The following ZMIZ1 variants were observed in gnomAD, a reference collection of about 807,000 sequenced individuals.
ZMIZ1 encodes zinc finger MIZ-type containing 1.
Under a neutral mutation model 113.9 loss-of-function variants are expected in ZMIZ1, and 17 were observed. That is an observed-to-expected ratio of 0.15 (90% CI 0.10 to 0.22). The LOEUF (loss-of-function observed/expected upper bound fraction) is 0.22, where lower values mean the gene tolerates loss of function less well. Ranked by LOEUF, ZMIZ1 falls within the 10% of genes least tolerant of loss-of-function variation. ZMIZ1 has a pLI of 1.00. For missense variants in ZMIZ1, 1,059 were observed against 1,477.8 expected (o/e 0.72, Z 4.65); for synonymous variants, 607 against 603.1 (o/e 1.01, Z -0.09).
chr10:79,162,276 CT>C (rs1352458669), intron 4 of ZMIZ1, 143 bp downstream of exon 4: 1 of 396,596 alleles, frequency 2.5e-6, no homozygotes. Flanking sequence ...GCCACCTTTG[CT>C]GGGACCTCAT....
In ZMIZ1 at chr10:79,286,570, G is replaced by C. The variant is rs56742434; in HGVS notation, c.426-3205G>C. 8.0e-3 allele frequency among the ~76,000 whole-genome samples: 1,222 copies of C among 152,352 alleles called. 11 individuals are homozygous for C. Among genetic ancestry groups the C allele is most frequent in the African/African-American group, 0.028 (1,154 of 41,586 alleles). ...GGGCAGCATGCCAGCAGGGCCTCGCGTGTGTGCACGGATGTGTCCTCCATA... is the reference window on the plus strand; with the variant it reads ...GGGCAGCATGCCAGCAGGGCCTCGCCTGTGTGCACGGATGTGTCCTCCATA... On this transcript the variant is annotated intron_variant, in intron 8 of 24. Coordinates refer to ENST00000334512, the MANE Select transcript of ZMIZ1 (RefSeq NM_020338.4).
intron 2 of ZMIZ1, among the ~76,000 whole-genome samples, chr10:79,138,070 C>T (rs891316924): frequency 2.6e-5 from 4 of 152,130 alleles, no homozygotes; most frequent in South Asian, 2.1e-4. Flanking sequence ...GAGGGGCAGG[C>T]GGCGGGCACT....
intron 24 of ZMIZ1, 120 bp downstream of exon 24, chr10:79,311,304 G>GGGGGGGGGGT: frequency 1.7e-5 from 6 of 359,150 alleles, no homozygotes; most frequent in East Asian, 7.5e-5. Flanking sequence ...TGGGCGGTGG[G>GGGGGGGGGGT]AGGGCTTCAC....
chr10:79,104,603 C>T (rs1843487018), intron 1 of ZMIZ1, among the ~76,000 whole-genome samples: 1 of 152,212 alleles, frequency 6.6e-6, no homozygotes, highest in African/African-American at 2.4e-5. Context: ...TGCCTTCTTT[C>T]CCTGTCTTTC....
intron 4 of ZMIZ1, among the ~76,000 whole-genome samples, chr10:79,198,109 A>T (rs189845775): frequency 6.6e-5 from 10 of 152,040 alleles, no homozygotes; most frequent in Admixed American, 5.9e-4. Context: ...AATACAAAAA[A>T]CTAGCCGGAC....
chr10:79,265,468 C>T (rs74142351), intron 7 of ZMIZ1, among the ~76,000 whole-genome samples: 3,562 of 91,460 alleles, frequency 0.039, 106 homozygotes, highest in African/African-American at 0.1. Context: ...TTTTTCTTTT[C>T]TTTTTTTTTT....
chr10:79,291,299 T>C, intron 10 of ZMIZ1, 123 bp downstream of exon 10: 1 of 1,244,064 alleles, frequency 8.0e-7, no homozygotes, highest in Non-Finnish European at 1.1e-6. Flanking sequence ...CCTCTGTTGT[T>C]ACATGAGTTG....
intron 7 of ZMIZ1, among the ~76,000 whole-genome samples, chr10:79,233,518 C>T (rs891608294): frequency 3.3e-5 from 5 of 152,188 alleles, no homozygotes; most frequent in South Asian, 2.1e-4. Flanking sequence ...TCCTGATGAC[C>T]TAATCCTCTC....
chr10:79,109,436 C>T (rs1460129715), intron 1 of ZMIZ1, among the ~76,000 whole-genome samples: 1 of 152,214 alleles, frequency 6.6e-6, no homozygotes, highest in Non-Finnish European at 1.5e-5. Flanking sequence ...TCTCTGTCAT[C>T]GTAAATGAGT....
In ZMIZ1 at chr10:79,112,028, A is replaced by G. The variant is rs544458022; in HGVS notation, c.-336-6887A>G. ...CAAAGGCCCTGGGGCATGAACATCC[A>G]GGGAACGCTGAGTGATTGTGGTGTG... On this transcript the variant is annotated intron_variant, in intron 1 of 24. Transcript: ENST00000334512. Among the ~76,000 whole-genome samples the G allele has an allele frequency of 1.1e-4, 17 of 152,360 alleles. No homozygotes were observed. In the East Asian group the frequency reaches 2.9e-3, roughly 26 times the overall value.
intron 7 of ZMIZ1, among the ~76,000 whole-genome samples, chr10:79,249,918 C>A (rs761535717): frequency 2.0e-5 from 3 of 152,184 alleles, no homozygotes; most frequent in African/African-American, 4.8e-5. Flanking sequence ...AATTATGAAA[C>A]CCACATCTGT....
intron 4 of ZMIZ1, among the ~76,000 whole-genome samples, chr10:79,166,425 C>T (rs1436205168): frequency 6.6e-6 from 1 of 152,250 alleles, no homozygotes; most frequent in East Asian, 1.9e-4. Context: ...GGAGGCTGCA[C>T]TCCGTGTGTG....
chr10:79,138,236 C>G (rs1845100938), intron 2 of ZMIZ1, among the ~76,000 whole-genome samples: 1 of 152,204 alleles, frequency 6.6e-6, no homozygotes, highest in Non-Finnish European at 1.5e-5. Flanking sequence ...TGCAAGGCCC[C>G]CAGGAGCCCA....
intron 1 of ZMIZ1, among the ~76,000 whole-genome samples, chr10:79,112,904 AC>A (rs1209295938): frequency 9.8e-5 from 15 of 152,346 alleles, no homozygotes; most frequent in African/African-American, 3.6e-4. Context: ...TTTCCCTGTG[AC>A]AGCAGCTTTC....
At position 79,313,681 on chromosome 10, in the gene ZMIZ1, A is replaced by G. The variant is rs1855351544; in HGVS notation, c.*932A>G. The G allele has an allele frequency of 3.7e-6, 1 of 269,962 alleles. No homozygotes were observed. The highest frequency in any genetic ancestry group is 7.3e-6 in the Non-Finnish European group (1 of 136,490). 16.7% of individuals were successfully genotyped at this position (269,962 alleles called of 1,614,324 possible). On this transcript the variant is annotated 3_prime_UTR_variant, in exon 25 of 25. Coordinates refer to ENST00000334512, the MANE Select transcript of ZMIZ1 (RefSeq NM_020338.4). ...GCCACTCTCTTTTTAAACAGCAACA[A>G]TTTAAAGCTATGAAGTCACCTGGAG... is the stretch of plus-strand genomic sequence containing the variant.
chr10:79,214,798 TCCAAGGTCCTTCTTAA>T (rs1329669214), intron 6 of ZMIZ1, among the ~76,000 whole-genome samples: 1 of 152,212 alleles, frequency 6.6e-6, no homozygotes, highest in East Asian at 1.9e-4. Flanking sequence ...GACTCCATTT[TCCAAGGTCCTTCTTAA>T]TAAAGAAAGC....
At chr10:79,098,351 T>C (rs1019797478) in intron 1 of ZMIZ1, among the ~76,000 whole-genome samples, 1 of 152,160 alleles carries the variant, frequency 6.6e-6, no homozygotes, top group African/African-American at 2.4e-5. Flanking sequence ...GCACAAGCAC[T>C]CTGGAGCTAG....
At chr10:79,267,908 C>G (rs1472502723) in intron 7 of ZMIZ1, among the ~76,000 whole-genome samples, 1 of 152,204 alleles carries the variant, frequency 6.6e-6, no homozygotes, top group Admixed American at 6.5e-5. Flanking sequence ...CTGCTGCACT[C>G]TCCCGCCCCT....
At chr10:79,174,674 GT>G (rs1846748703) in intron 4 of ZMIZ1, among the ~76,000 whole-genome samples, 1 of 152,090 alleles carries the variant, frequency 6.6e-6, no homozygotes, top group Non-Finnish European at 1.5e-5. Flanking sequence ...AGCCCAGTTG[GT>G]GTGGGGCATA....
Sources: allele counts gnomAD v4.1 joint callset (sites outside exome capture counted in the v4.1 genomes callset), GRCh38; gene constraint gnomAD v4.1.1; transcripts MANE v1.5; gene names NCBI Gene and HGNC (gene_info 2026-07-23, HGNC 2026-07-21).